Variants in NEGR1 observed in about 807,000 individuals in gnomAD.
NEGR1 encodes neuronal growth regulator 1.
In NEGR1, 10 loss-of-function variants were observed where a neutral mutation model predicts 40.9. The observed-to-expected ratio is 0.24, with a 90% CI of 0.15 to 0.42. NEGR1 has a LOEUF of 0.42. NEGR1 is among the 10% of genes least tolerant of loss of function. The pLI is 1.00. For missense variants in NEGR1, 352 were observed against 438.9 expected (o/e 0.80, Z 1.77); for synonymous variants, 185 against 166.8 (o/e 1.11, Z -0.84).
At chr1:71,851,170 T>G (rs1047109314) in intron 2 of NEGR1, among the ~76,000 whole-genome samples, 4 of 152,168 alleles carry the variant, frequency 2.6e-5, no homozygotes, top group Admixed American at 2.6e-4. Flanking sequence ...CAGAATACCC[T>G]GGTTTGAACA....
chr1:71,828,579 C>G (rs920619908), intron 2 of NEGR1, among the ~76,000 whole-genome samples: 1 of 151,916 alleles, frequency 6.6e-6, no homozygotes, highest in Non-Finnish European at 1.5e-5. Context: ...ACAATCCACA[C>G]AGCTCCTCAC....
intron 1 of NEGR1, among the ~76,000 whole-genome samples, chr1:72,106,634 T>C (rs1008305973): frequency 1.1e-4 from 16 of 151,964 alleles, no homozygotes; most frequent in African/African-American, 3.9e-4. Context: ...CCTATTGCCT[T>C]GAATGAAAAA....
chr1:72,007,073 C>T (rs556377234), intron 1 of NEGR1, among the ~76,000 whole-genome samples: 1 of 152,224 alleles, frequency 6.6e-6, no homozygotes, highest in East Asian at 1.9e-4. Flanking sequence ...AATAAATAAT[C>T]ACTTCCTTTC....
intron 1 of NEGR1, among the ~76,000 whole-genome samples, chr1:71,950,116 G>GT (rs968011728): frequency 7.2e-5 from 11 of 151,836 alleles, no homozygotes; most frequent in African/African-American, 2.4e-4. Context: ...TCAAAGATGG[G>GT]TTTTTTACAT....
intron 3 of NEGR1, among the ~76,000 whole-genome samples, chr1:71,772,205 TA>T (rs1282388736): frequency 6.6e-6 from 1 of 151,880 alleles, no homozygotes; most frequent in Non-Finnish European, 1.5e-5. Flanking sequence ...ATATTCTATT[TA>T]AAAAGGGGTC....
intron 1 of NEGR1, among the ~76,000 whole-genome samples, chr1:72,279,276 A>G (rs959715029): frequency 6.6e-6 from 1 of 152,132 alleles, no homozygotes; most frequent in Non-Finnish European, 1.5e-5. Flanking sequence ...CCTCTTCTCA[A>G]AAACAGATAT....
At chr1:72,168,626 G>C (rs916398354) in intron 1 of NEGR1, among the ~76,000 whole-genome samples, 89 of 152,116 alleles carry the variant, frequency 5.9e-4, no homozygotes, top group Non-Finnish European at 1.2e-3. Context: ...GCAGTGGCTC[G>C]TGTCTGTAAT....
At chr1:71,958,870 G>A (rs950768467) in intron 1 of NEGR1, among the ~76,000 whole-genome samples, 3 of 151,170 alleles carry the variant, frequency 2.0e-5, no homozygotes, top group Non-Finnish European at 2.9e-5. Flanking sequence ...CAGGAGAATC[G>A]CTTGAACCTG....
chr1:71,812,333 T>C (rs561890264), intron 2 of NEGR1, among the ~76,000 whole-genome samples: 1 of 152,296 alleles, frequency 6.6e-6, no homozygotes, highest in East Asian at 1.9e-4. Flanking sequence ...GCCTTTGCTA[T>C]TATGAATAGT....
chr1:71,797,736 A>G (rs746509399), intron 2 of NEGR1, among the ~76,000 whole-genome samples: 1 of 152,134 alleles, frequency 6.6e-6, no homozygotes, highest in Non-Finnish European at 1.5e-5. Context: ...TGAATAATGT[A>G]TACATTATAC....
At chr1:72,113,579 G>T (rs1164848757) in intron 1 of NEGR1, among the ~76,000 whole-genome samples, 1 of 151,374 alleles carries the variant, frequency 6.6e-6, no homozygotes, top group Non-Finnish European at 1.5e-5. Flanking sequence ...GCACTGTCAG[G>T]AAGAGGAAAA....
chr1:71,744,342 AAATAATAATAAT>A (rs3077144), intron 3 of NEGR1, among the ~76,000 whole-genome samples: 13 of 141,180 alleles, frequency 9.2e-5, no homozygotes, highest in African/African-American at 2.6e-4. Context: ...AGTACTCTGT[AAATAATAATAAT>A]AATAATAATA....
intron 1 of NEGR1, among the ~76,000 whole-genome samples, chr1:72,166,051 A>G (rs951317010): frequency 2.6e-5 from 4 of 152,126 alleles, no homozygotes; most frequent in South Asian, 4.1e-4. Flanking sequence ...GGAATTAGAG[A>G]CCGGGCACCT....
intron 4 of NEGR1, among the ~76,000 whole-genome samples, chr1:71,644,071 C>A (rs1055307031): frequency 6.6e-6 from 1 of 151,970 alleles, no homozygotes; most frequent in South Asian, 2.1e-4. Flanking sequence ...CCTTGCTGCC[C>A]AAAAGAGTTC....
intron 1 of NEGR1, among the ~76,000 whole-genome samples, chr1:71,968,481 G>A (rs1434292125): frequency 6.6e-6 from 1 of 152,052 alleles, no homozygotes; most frequent in Non-Finnish European, 1.5e-5. Flanking sequence ...GGATGCATCC[G>A]TGAACAAAAC....
intron 1 of NEGR1, among the ~76,000 whole-genome samples, chr1:71,986,205 C>T (rs1646392380): frequency 6.6e-6 from 1 of 152,100 alleles, no homozygotes; most frequent in South Asian, 2.1e-4. Flanking sequence ...GCTACAAAAA[C>T]ATTTAATCCT....
intron 1 of NEGR1, among the ~76,000 whole-genome samples, chr1:71,975,817 T>A (rs1326527983): frequency 1.4e-4 from 21 of 152,200 alleles, no homozygotes; most frequent in Non-Finnish European, 3.1e-4. Flanking sequence ...ATCTCCGAGA[T>A]CCCTCCCAGC....
chr1:71,577,973 C>G (rs1649015930), intron 6 of NEGR1, among the ~76,000 whole-genome samples: 1 of 152,014 alleles, frequency 6.6e-6, no homozygotes. Flanking sequence ...TTATCTGTAT[C>G]AAGATATAGC....
intron 1 of NEGR1, among the ~76,000 whole-genome samples, chr1:72,198,011 T>G (rs370305954): frequency 6.6e-6 from 1 of 152,052 alleles, no homozygotes. Context: ...GCTTTTGTCT[T>G]GGAGAATATA....
Sources: gnomAD v4.1 joint callset for allele counts (sites outside exome capture counted in the v4.1 genomes callset) on GRCh38, gnomAD v4.1.1 for gene constraint, MANE v1.5 for transcripts, NCBI Gene and HGNC (gene_info 2026-07-23, HGNC 2026-07-21) for gene names.